The following CASK variants were observed in gnomAD, a reference collection of about 807,000 sequenced individuals.
CASK encodes the protein peripheral plasma membrane protein CASK.
A neutral mutation model predicts 82.9 loss-of-function variants in CASK; 4 were observed. The ratio of observed to expected loss-of-function variants is 0.05; its 90% CI spans 0.02 to 0.11. The LOEUF is 0.11. Ranked by LOEUF, CASK falls within the 10% of genes least tolerant of loss-of-function variation. The pLI is 1.00. For synonymous variants in CASK, 259 were observed against 253.5 expected (o/e 1.02, Z -0.20); for missense variants, 358 against 720.9 (o/e 0.50, Z 5.76).
intron 2 of CASK, among the ~76,000 whole-genome samples, chrX:41,798,372 T>C (rs575040554): frequency 1.8e-5 from 2 of 112,815 alleles, no homozygotes; most frequent in South Asian, 7.2e-4. Flanking sequence ...TTGCCTTTAA[T>C]GTGTCTAACA....
In CASK at chrX:41,649,381, T is replaced by A. The variant is rs2066823112; in HGVS notation, c.831+11058A>T. Among the ~76,000 whole-genome samples the A allele has an allele frequency of 4.5e-5, 5 of 112,159 alleles. No homozygotes were observed. The Admixed American group carries it at 4.7e-4, about 11-fold the overall frequency. On this transcript the variant is annotated intron_variant, in intron 8 of 26. Transcript: ENST00000378163. ...ATTTTAGATCTTTCTTGCTTTCTCTTGTGGGCATTTAGTGCTATAAATTTC... is the reference window on the plus strand; with the variant it reads ...ATTTTAGATCTTTCTTGCTTTCTCTAGTGGGCATTTAGTGCTATAAATTTC...
intron 3 of CASK, among the ~76,000 whole-genome samples, chrX:41,773,393 GTAAAAATAAAT>G (rs2069284426): frequency 2.0e-5 from 2 of 99,210 alleles, no homozygotes; most frequent in East Asian, 3.1e-4. Flanking sequence ...AAAAAAAAAA[GTAAAAATAAAT>G]TAAAAAAGAG....
intron 3 of CASK, among the ~76,000 whole-genome samples, chrX:41,756,803 A>G (rs998360945): frequency 8.9e-6 from 1 of 112,263 alleles, no homozygotes; most frequent in Non-Finnish European, 1.9e-5. Flanking sequence ...AAGAGATCAC[A>G]CAGCTTGTAA....
At chrX:41,685,778 C>T (rs2067430641) in intron 5 of CASK, among the ~76,000 whole-genome samples, 1 of 111,765 alleles carries the variant, frequency 8.9e-6, no homozygotes, top group Admixed American at 9.5e-5. Flanking sequence ...GAACTGCGCC[C>T]GGCTTTTGTT....
At chrX:41,665,514 T>A in intron 6 of CASK, 62 bp from the exon 7 acceptor site, 2 of 872,020 alleles carry the variant, frequency 2.3e-6, no homozygotes, top group South Asian at 2.2e-5. Context: ...ACTTGAAAAC[T>A]AAAAATAATA....
In CASK at chrX:41,774,195, T is replaced by C. The variant is rs370108580; in HGVS notation, c.278+12983A>G. Reference sequence around the variant, plus strand: ...ATGATTGTATATCTAGAAAACCCCATTGTCTCAGCCCAAAATCTCCTTAAG... The same window carrying C: ...ATGATTGTATATCTAGAAAACCCCACTGTCTCAGCCCAAAATCTCCTTAAG... On this transcript the variant is annotated intron_variant, in intron 3 of 26. Transcript: ENST00000378163. Among the ~76,000 whole-genome samples the C allele has an allele frequency of 2.0e-4, 22 of 110,532 alleles. No individual in the cohort carries two copies. In the South Asian group the frequency reaches 2.3e-3, roughly 12 times the overall value.
At chrX:41,799,086 G>A (rs1187905234) in intron 2 of CASK, among the ~76,000 whole-genome samples, 1 of 112,332 alleles carries the variant, frequency 8.9e-6, no homozygotes, top group Non-Finnish European at 1.9e-5. Context: ...GCTCAATCAA[G>A]CAAATTTCCG....
intron 11 of CASK, among the ~76,000 whole-genome samples, chrX:41,621,123 A>T (rs772947338): frequency 4.0e-5 from 4 of 100,612 alleles, no homozygotes; most frequent in African/African-American, 1.4e-4. Flanking sequence ...TGGCTGATTT[A>T]AAAAAAAAAA....
rs749857159 is a variant in CASK at position 41,809,721 on chromosome X, G to A, written c.173-22438C>T. 4.5e-5 allele frequency among the ~76,000 whole-genome samples: 5 copies of A among 112,234 alleles called. No homozygotes were observed. The East Asian group carries it at 8.4e-4, about 19-fold the overall frequency. On this transcript the variant is annotated intron_variant, in intron 2 of 26. Coordinates refer to ENST00000378163, the MANE Select transcript of CASK (RefSeq NM_001367721.1). ...AGGAACGCAGCTCCTTGCCAGCAAC[G>A]GAACAAAGCTGGACAGAGAATGACT...
In CASK at chrX:41,817,427, T is replaced by A. The variant is rs759244121; in HGVS notation, c.173-30144A>T. 2.7e-5 allele frequency among the ~76,000 whole-genome samples: 3 copies of A among 111,856 alleles called. No homozygotes were observed. The East Asian group carries it at 8.4e-4, about 31-fold the overall frequency. On this transcript the variant is annotated intron_variant, in intron 2 of 26. Coordinates refer to ENST00000378163, the MANE Select transcript of CASK (RefSeq NM_001367721.1). ...ATCCAGATTGGAAAGGAAGATGTAATTAATGCTGATTGTATTCAAGATGAC... is the reference window on the plus strand; with the variant it reads ...ATCCAGATTGGAAAGGAAGATGTAAATAATGCTGATTGTATTCAAGATGAC...
Position 41,529,427 on chromosome X carries a change from A to G in CASK, c.2520+1580T>C, listed in dbSNP as rs189063580. ...CAGCAGTGGCGGTGGCGGCGGCAGC[A>G]GCGGAGGCAGGTAAGGCAGAAAGCC... On this transcript the variant is annotated intron_variant, in intron 25 of 26. Coordinates refer to ENST00000378163, the MANE Select transcript of CASK (RefSeq NM_001367721.1). The G allele has an allele frequency of 2.6e-3, 464 of 175,409 alleles. 1 individual carries two copies. The highest frequency in any genetic ancestry group is 0.014 in the African/African-American group (442 of 31,965). 14.5% of individuals were successfully genotyped at this position (175,409 alleles called of 1,213,427 possible).
Position 41,578,896 on chromosome X carries a change from T to A in CASK, c.1315-368A>T, listed in dbSNP as rs750564861. On this transcript the variant is annotated intron_variant, in intron 14 of 26. Transcript: ENST00000378163. ...CGACATCCAACTATCTCAATTTTTTTGTGACAATCATGATAAATAGATTTT... is the reference window on the plus strand; with the variant it reads ...CGACATCCAACTATCTCAATTTTTTAGTGACAATCATGATAAATAGATTTT... Among the ~76,000 whole-genome samples the A allele has an allele frequency of 3.6e-5, 4 of 112,552 alleles. No individual in the cohort carries two copies. In the East Asian group the frequency reaches 1.1e-3, roughly 31 times the overall value.
At chrX:41,869,132 A>T (rs1239006031) in intron 1 of CASK, among the ~76,000 whole-genome samples, 1 of 111,786 alleles carries the variant, frequency 8.9e-6, no homozygotes, top group Non-Finnish European at 1.9e-5. Context: ...GTTCAATCAC[A>T]TAAAACTACT....
At chrX:41,705,856 G>A (rs1410124254) in intron 5 of CASK, among the ~76,000 whole-genome samples, 3 of 111,295 alleles carry the variant, frequency 2.7e-5, no homozygotes, top group African/African-American at 6.6e-5. Context: ...CTTGTCCTGT[G>A]TGCCATTACT....
At chrX:41,737,429 A>G (rs421568) in intron 5 of CASK, among the ~76,000 whole-genome samples, 21,505 of 111,471 alleles carry the variant, frequency 0.19, 1,645 homozygotes, top group Middle Eastern at 0.31. Context: ...TTGATCTGCT[A>G]CAGTAGATAA....
intron 12 of CASK, among the ~76,000 whole-genome samples, chrX:41,595,991 T>G (rs1427842886): frequency 9.0e-6 from 1 of 111,050 alleles, no homozygotes; most frequent in Non-Finnish European, 1.9e-5. Flanking sequence ...GGTGAGGAGT[T>G]CGAGACTAGC....
At chrX:41,779,492 GCCTGGGGGTGGT>G (rs1254368477) in intron 3 of CASK, among the ~76,000 whole-genome samples, 1 of 111,815 alleles carries the variant, frequency 8.9e-6, no homozygotes, top group Non-Finnish European at 1.9e-5. Context: ...GAATCATCAA[GCCTGGGGGTGGT>G]CTTGGGGATC....
chrX:41,663,138 T>C (rs761408873), intron 7 of CASK, among the ~76,000 whole-genome samples: 56 of 111,809 alleles, frequency 5.0e-4, no homozygotes, highest in African/African-American at 1.8e-3. Flanking sequence ...TAAAACAAGA[T>C]TGTCTGTGTT....
intron 11 of CASK, among the ~76,000 whole-genome samples, chrX:41,612,045 G>A (rs1289685047): frequency 2.9e-4 from 33 of 112,030 alleles, no homozygotes; most frequent in African/African-American, 9.7e-4. Flanking sequence ...ATCTCGGCTC[G>A]CTACAACCTC....
Sources: allele counts gnomAD v4.1 joint callset (sites outside exome capture counted in the v4.1 genomes callset), GRCh38; gene constraint gnomAD v4.1.1; transcripts MANE v1.5; gene names NCBI Gene and HGNC (gene_info 2026-07-23, HGNC 2026-07-21).